The following PNPLA1 variants were observed in gnomAD, a reference collection of about 807,000 sequenced individuals.
PNPLA1 encodes the protein patatin like domain 1, omega-hydroxyceramide transacylase.
In PNPLA1, 36 loss-of-function variants were observed where a neutral mutation model predicts 51.7. That is an observed-to-expected ratio of 0.70 (90% confidence interval 0.53 to 0.92). The LOEUF is 0.92. Among genes scored for constraint, PNPLA1 ranks in the 40% least tolerant of loss-of-function variants. PNPLA1 has a pLI of 0.00. For synonymous variants in PNPLA1, 293 were observed against 280.1 expected (o/e 1.05, Z -0.46); for missense variants, 658 against 682.5 (o/e 0.96, Z 0.40).
intron 1 of PNPLA1, among the ~76,000 whole-genome samples, chr6:36,261,909 T>G (rs1345250741): frequency 6.6e-6 from 1 of 152,250 alleles, no homozygotes; most frequent in Non-Finnish European, 1.5e-5. Flanking sequence ...CCATGGATGC[T>G]GATCTGATCC....
At chr6:36,278,037 C>A (rs1770165499) in intron 1 of PNPLA1, among the ~76,000 whole-genome samples, 1 of 152,176 alleles carries the variant, frequency 6.6e-6, no homozygotes, top group Non-Finnish European at 1.5e-5. Flanking sequence ...CCTAGAATGA[C>A]CCTCTGCCCC....
intron 5 of PNPLA1, 147 bp downstream of exon 5, chr6:36,295,571 AC>A: frequency 1.2e-6 from 1 of 864,330 alleles, no homozygotes; most frequent in Non-Finnish European, 1.9e-6. Flanking sequence ...GGGGGTGGGG[AC>A]CTAACAGGCT....
In PNPLA1 at chr6:36,293,043, C is replaced by T; in HGVS notation, c.439-18C>T. 1.2e-6 allele frequency: 2 copies of T among 1,610,764 alleles called. No individual in the cohort carries two copies. Among genetic ancestry groups the T allele is most frequent in the Non-Finnish European group, 8.5e-7 (1 of 1,178,086 alleles). ...ACCCCCGGGCCTCCAGCATCTCAGCCCTGTTCTCTCCGCACAGGCCCTATA... is the reference window on the plus strand; with the variant it reads ...ACCCCCGGGCCTCCAGCATCTCAGCTCTGTTCTCTCCGCACAGGCCCTATA... On this transcript the variant is annotated intron_variant, in intron 2 of 8. Coordinates refer to ENST00000636260, the MANE Select transcript of PNPLA1 (RefSeq NM_001374623.1).
At chr6:36,295,975 T>C (rs766949122) in intron 5 of PNPLA1, among the ~76,000 whole-genome samples, 11 of 152,234 alleles carry the variant, frequency 7.2e-5, no homozygotes, top group Non-Finnish European at 1.0e-4. Context: ...TCCAATGACA[T>C]GTCTTTTATG....
At chr6:36,304,317 C>A (rs561997432) in intron 6 of PNPLA1, among the ~76,000 whole-genome samples, 2 of 152,232 alleles carry the variant, frequency 1.3e-5, no homozygotes, top group African/African-American at 4.8e-5. Flanking sequence ...AACAGGTTTA[C>A]TTTGACTCTT....
At chr6:36,258,440 TC>T (rs990252856) in intron 1 of PNPLA1, among the ~76,000 whole-genome samples, 1 of 152,218 alleles carries the variant, frequency 6.6e-6, no homozygotes, top group Non-Finnish European at 1.5e-5. Flanking sequence ...CCATTGCTAT[TC>T]CCTTCTTCCA....
Position 36,304,987 on chromosome 6 carries a change from T to C in PNPLA1, c.1385-1305T>C, listed in dbSNP as rs57971575. Among the ~76,000 whole-genome samples, 710 of 152,308 alleles carry C rather than the reference T, an allele frequency of 4.7e-3. 7 individuals carry two copies. Among genetic ancestry groups the C allele is most frequent in the African/African-American group, 0.015 (643 of 41,562 alleles). On this transcript the variant is annotated intron_variant, in intron 6 of 8. Coordinates refer to ENST00000636260, the MANE Select transcript of PNPLA1 (RefSeq NM_001374623.1). ...GCACAAAGTGCTTTCTGACCGTTAG[T>C]GTCAATAGCATGTACTGAGATTGAG...
At chr6:36,260,675 G>A (rs1561849634) in intron 1 of PNPLA1, among the ~76,000 whole-genome samples, 1 of 152,068 alleles carries the variant, frequency 6.6e-6, no homozygotes, top group Non-Finnish European at 1.5e-5. Context: ...TACACAAATG[G>A]TAGCATATTA....
intron 1 of PNPLA1, among the ~76,000 whole-genome samples, chr6:36,278,925 G>C (rs1278096422): frequency 1.3e-5 from 2 of 152,192 alleles, no homozygotes; most frequent in African/African-American, 4.8e-5. Context: ...AAAAAGGTCA[G>C]CATGCGTGCT....
chr6:36,288,764 C>T (rs1770586093), intron 1 of PNPLA1, among the ~76,000 whole-genome samples: 1 of 151,924 alleles, frequency 6.6e-6, no homozygotes, highest in Non-Finnish European at 1.5e-5. Flanking sequence ...GGCTGGAGAC[C>T]CTATTTTTAA....
At chr6:36,262,778 C>T (rs778486696) in intron 1 of PNPLA1, among the ~76,000 whole-genome samples, 1 of 152,166 alleles carries the variant, frequency 6.6e-6, no homozygotes, top group Non-Finnish European at 1.5e-5. Context: ...TGAGCACACC[C>T]AGGTCCACAA....
At chr6:36,267,679 A>G (rs944588339), upstream of PNPLA1, among the ~76,000 whole-genome samples, 3 of 151,984 alleles carry the variant, frequency 2.0e-5, no homozygotes, top group African/African-American at 7.3e-5. Context: ...AAACTTATCC[A>G]TAGCTGTCCT....
At chr6:36,259,986 A>C (rs1027546127) in intron 1 of PNPLA1, among the ~76,000 whole-genome samples, 1 of 152,098 alleles carries the variant, frequency 6.6e-6, no homozygotes, top group Non-Finnish European at 1.5e-5. Flanking sequence ...ATAAAAGTTG[A>C]AATTTTTTTT....
At chr6:36,254,022 T>C (rs564403025) in intron 1 of PNPLA1, among the ~76,000 whole-genome samples, 1 of 152,148 alleles carries the variant, frequency 6.6e-6, no homozygotes, top group Non-Finnish European at 1.5e-5. Flanking sequence ...GCTAAAGTTG[T>C]AGCTACTGTT....
Position 36,313,370 on chromosome 6 carries a change from G to GC in PNPLA1, c.*1487dup, listed in dbSNP as rs1361241156. Among the ~76,000 whole-genome samples, 2 of 152,176 alleles carry GC rather than the reference G, an allele frequency of 1.3e-5. No individual in the cohort carries two copies. Among genetic ancestry groups the GC allele is most frequent in the African/African-American group, 4.8e-5 (2 of 41,438 alleles). On this transcript the variant is annotated 3_prime_UTR_variant, in exon 9 of 9. Transcript: ENST00000636260. Reference sequence around the variant, plus strand: ...CAGGCCCAGCAAGGAAGCCCCAGCTGCCCACAGGCCTCAGGTACATTTGCT... The same window carrying GC: ...CAGGCCCAGCAAGGAAGCCCCAGCTGCCCCACAGGCCTCAGGTACATTTGCT...
At chr6:36,258,014 G>C (rs1769566823) in intron 1 of PNPLA1, among the ~76,000 whole-genome samples, 1 of 152,140 alleles carries the variant, frequency 6.6e-6, no homozygotes, top group African/African-American at 2.4e-5. Flanking sequence ...TTGTAGAGAT[G>C]AGGTTTTGCT....
At chr6:36,291,225 A>G in intron 1 of PNPLA1, 95 bp from the exon 2 acceptor site, 1 of 877,206 alleles carries the variant, frequency 1.1e-6, no homozygotes, top group South Asian at 1.7e-5. Flanking sequence ...CATTTGTTGG[A>G]TTCAGAGATG....
In PNPLA1 at chr6:36,302,219, C is replaced by G. The variant is rs1771079185; in HGVS notation, c.1134C>G (p.His378Gln). ...GMPPVSFPAV[H>Q]KPPSSTPGSS... ...CACCTGTATCATTCCCAGCTGTGCACAAGCCACCCAGCTCCACACCTGGTT... is the reference window on the plus strand; with the variant it reads ...CACCTGTATCATTCCCAGCTGTGCAGAAGCCACCCAGCTCCACACCTGGTT... The change falls in exon 6 of 9, where the codon CAC (histidine) becomes CAG (glutamine). Residue 378 changes from histidine (H) to glutamine (Q), a missense_variant. Physicochemically the swap from His to Gln is conservative, Grantham distance 24. Transcript: ENST00000636260. 6.2e-7 allele frequency: 1 copy of G among 1,613,576 alleles called. No homozygotes were observed. The highest frequency in any genetic ancestry group is 1.7e-5 in the Admixed American group (1 of 59,964).
chr6:36,308,603 AG>A (rs1771314984), intron 8 of PNPLA1: 1 of 152,192 alleles, frequency 6.6e-6, no homozygotes, highest in Admixed American at 6.5e-5. Context: ...TCTATCCCCA[AG>A]TTTCAACAGT....
Sources: allele counts gnomAD v4.1 joint callset (sites outside exome capture counted in the v4.1 genomes callset), GRCh38; gene constraint gnomAD v4.1.1; transcripts MANE v1.5; gene names NCBI Gene and HGNC (gene_info 2026-07-23, HGNC 2026-07-21).